ZNF839: variants seen among roughly 807,000 people sequenced by gnomAD.
ZNF839 encodes zinc finger protein 839, also known as renal carcinoma antigen NY-REN-50.
ZNF839 carries 38 observed loss-of-function variants against 56.4 expected under a neutral mutation model. That is an observed-to-expected ratio of 0.67 (90% CI 0.52 to 0.88). ZNF839 has a LOEUF of 0.88. Ranked by LOEUF, ZNF839 falls within the 40% of genes least tolerant of loss-of-function variation. ZNF839 has a pLI of 0.00. For missense variants in ZNF839, 1,091 were observed against 1,177.6 expected, an observed-to-expected ratio of 0.93 and a Z score of 1.08; for synonymous variants, 486 against 493.5, an observed-to-expected ratio of 0.98 and a Z score of 0.20.
chr14:102,341,068 CAAAAAAAA>C, intron 7 of ZNF839: 1 of 80,730 alleles, frequency 1.2e-5, no homozygotes, highest in South Asian at 4.1e-4. Context: ...GACTCCATCT[CAAAAAAAA>C]AAAAAAAAAA....
At position 102,333,258 on chromosome 14, in the gene ZNF839, A is replaced by G. The variant is rs548629304; in HGVS notation, c.1417-1296A>G. ...ATCTCTTGCTCTCTCTCTAAATGCC[A>G]ATCTTTTTTTTTTTTTTTTTTTGAG... On this transcript the variant is annotated intron_variant, in intron 3 of 7. Transcript: ENST00000442396. 3.5e-5 allele frequency among the ~76,000 whole-genome samples: 5 copies of G among 141,632 alleles called. No homozygotes were observed. The East Asian group carries it at 1.0e-3, about 29-fold the overall frequency. The allele number at this position is 141,632 out of a possible 152,430, so 92.9% of individuals were successfully genotyped here.
At chr14:102,328,373 AAAATATATATATATATATATATAT>A (rs1242996251) in intron 2 of ZNF839, among the ~76,000 whole-genome samples, 5 of 23,016 alleles carry the variant, frequency 2.2e-4, no homozygotes, top group South Asian at 1.7e-3. Flanking sequence ...AAAAAAAAAA[AAAATATATATATATATATATATAT>A]ATATATATAT....
In ZNF839 at chr14:102,326,397, C is replaced by T. The variant is rs2073411531; in HGVS notation, c.701C>T (p.Thr234Ile). Reference sequence around the variant, plus strand: ...CATCCATTTATTTCCAACTTGCATACAAGACATACTGAGAAACTAAAAAAA... The same window carrying T: ...CATCCATTTATTTCCAACTTGCATATAAGACATACTGAGAAACTAAAAAAA... Reference protein sequence around the residue: ...SAHPFISNLHTRHTEKLKKSL... With the variant: ...SAHPFISNLHIRHTEKLKKSL... The change falls in exon 2 of 8, where the codon ACA becomes ATA. Residue 234 changes from threonine (T) to isoleucine (I), a missense_variant. Thr to Ile is a moderately conservative substitution (Grantham distance 89). This residue lies in a region of ZNF839 where 614 missense variants were observed against 629.2 expected (regional missense o/e 0.98). Coordinates refer to ENST00000442396, the MANE Select transcript of ZNF839 (RefSeq NM_018335.6). This position sits in a 1 kb window ranked among gnomAD's most constrained non-coding sequence, Gnocchi z 4.3. 1.2e-6 allele frequency: 2 copies of T among 1,612,938 alleles called. No individual in the cohort carries two copies. Among genetic ancestry groups the T allele is most frequent in the Non-Finnish European group, 8.5e-7 (1 of 1,179,368 alleles).
intron 4 of ZNF839, chr14:102,335,471 G>A (rs536730267): frequency 1.2e-4 from 62 of 518,408 alleles, no homozygotes; most frequent in African/African-American, 1.1e-3. Flanking sequence ...CCCCACCCAG[G>A]GCTTGTTTGT....
Position 102,326,350 on chromosome 14 carries a change from A to G in ZNF839, c.654A>G (p.Thr218=), listed in dbSNP as rs753538851. ...PLSASDPLAV[T]SLSSSSAHPF... ...CTGCCTCTGACCCGCTGGCAGTAAC[A>G]TCTCTTTCATCCAGTTCAGCACATC... Residue 218 remains threonine, a synonymous_variant, in exon 2 of 8, where the codon ACA becomes ACG. Transcript: ENST00000442396. The surrounding 1 kb of genome is among the most constrained non-coding windows in gnomAD (Gnocchi z 4.3). The G allele has an allele frequency of 1.2e-6, 2 of 1,609,876 alleles. No homozygotes were observed. The highest frequency in any genetic ancestry group is 2.2e-5 in the South Asian group (2 of 90,542).
In ZNF839 at chr14:102,341,424, C is replaced by A; in HGVS notation, c.2029C>A (p.Gln677Lys). The A allele has an allele frequency of 6.3e-7, 1 of 1,589,472 alleles. No homozygotes were observed. Among genetic ancestry groups the A allele is most frequent in the Non-Finnish European group, 8.6e-7 (1 of 1,167,486 alleles). ...GNGSVFQAGPQLQALANLEAR... is the reference protein window; with the variant it reads ...GNGSVFQAGPKLQALANLEAR... ...TGGGAGCGTGTTCCAGGCGGGCCCG[C>A]AGCTTCAGGCACTGGCTAACTTAGA... The change falls in exon 8 of 8, where the codon CAG becomes AAG. Residue 677 changes from glutamine (Q) to lysine (K), a missense_variant. Gln to Lys is a moderately conservative substitution (Grantham distance 53). Around this residue, in one of 3 missense-constraint regions of ZNF839, gnomAD observed 431 missense variants for 468.0 expected, o/e 0.92. Transcript: ENST00000442396.
Position 102,320,018 on chromosome 14 carries a change from G to A in ZNF839, c.253G>A (p.Glu85Lys). 2 of 1,174,582 alleles carry A rather than the reference G, an allele frequency of 1.7e-6. No homozygotes were observed. The highest frequency in any genetic ancestry group is 2.1e-6 in the Non-Finnish European group (2 of 951,846). 72.8% of individuals were successfully genotyped at this position (1,174,582 alleles called of 1,614,324 possible). The change falls in exon 1 of 8, where the codon GAG becomes AAG. Residue 85 changes from glutamate (E) to lysine (K), a missense_variant. Physicochemically the swap from Glu to Lys is moderately conservative, Grantham distance 56. Transcript: ENST00000442396. ...CGCCCTGCAGCGGGGCCGGGGCACC[G>A]AGCCCCCGCGCCTGCCGCGCCTGCT... ...QAALQRGRGT[E>K]PPRLPRLLPP... is the part of the protein sequence containing the mutation.
Position 102,320,048 on chromosome 14 carries a change from C to A in ZNF839, c.283C>A (p.Pro95Thr). The A allele has an allele frequency of 8.5e-7, 1 of 1,181,902 alleles. No homozygotes were observed. The highest frequency in any genetic ancestry group is 1.0e-6 in the Non-Finnish European group (1 of 956,084). 73.2% of individuals were successfully genotyped at this position (1,181,902 alleles called of 1,614,324 possible). The change falls in exon 1 of 8, where the codon CCC (proline) becomes ACC (threonine). Residue 95 changes from proline (P) to threonine (T), a missense_variant. This residue lies in a region of ZNF839 where 614 missense variants were observed against 629.2 expected (regional missense o/e 0.98). Transcript: ENST00000442396. ...CCCGCGCCTGCCGCGCCTGCTCCCG[C>A]CCCAGGTGAGGCGTCGGGAGGGACG... ...EPPRLPRLLP[P>T]QQLEAICVKV...
chr14:102,336,733 C>CTTTT, intron 5 of ZNF839: 1 of 290,738 alleles, frequency 3.4e-6, no homozygotes, highest in East Asian at 1.1e-4. Flanking sequence ...TCATTTTCTT[C>CTTTT]TTTTTTTTTT....
At chr14:102,338,673 C>T in intron 5 of ZNF839, 143 bp from the exon 6 acceptor site, 1 of 1,081,908 alleles carries the variant, frequency 9.2e-7, no homozygotes, top group Non-Finnish European at 1.3e-6. Context: ...TCATCTTTCT[C>T]ATTGTTGAGA....
In ZNF839 at chr14:102,332,067, A is replaced by C. The variant is rs2073812548; in HGVS notation, c.1416+221A>C. On this transcript the variant is annotated intron_variant, in intron 3 of 7. Coordinates refer to ENST00000442396, the MANE Select transcript of ZNF839 (RefSeq NM_018335.6). The surrounding 1 kb of genome is among the most constrained non-coding windows in gnomAD (Gnocchi z 4.9). ...GCTCCAAAAGCTGCTTGACTTGATA[A>C]GTTTTGGAATAATTATAACCTGTGT... Among the ~76,000 whole-genome samples the C allele has an allele frequency of 6.6e-6, 1 of 152,178 alleles. No homozygotes were observed. The highest frequency in any genetic ancestry group is 6.5e-5 in the Admixed American group (1 of 15,270).
chr14:102,328,854 T>C (rs1298155645), intron 2 of ZNF839, among the ~76,000 whole-genome samples: 1 of 152,194 alleles, frequency 6.6e-6, no homozygotes, highest in African/African-American at 2.4e-5. Context: ...TGTGTACATA[T>C]CACACGTTGC....
At chr14:102,338,437 C>T (rs1334972338) in intron 5 of ZNF839, among the ~76,000 whole-genome samples, 1 of 148,940 alleles carries the variant, frequency 6.7e-6, no homozygotes, top group Admixed American at 6.8e-5. Context: ...ACTCAGGAGG[C>T]TGAAGCAGGA....
At chr14:102,327,094 G>A (rs551246418) in intron 2 of ZNF839, among the ~76,000 whole-genome samples, 3 of 151,930 alleles carry the variant, frequency 2.0e-5, no homozygotes, top group Non-Finnish European at 4.4e-5. Flanking sequence ...GGGAGCAGGC[G>A]CCTCATATGG....
intron 7 of ZNF839, 81 bp downstream of exon 7, chr14:102,339,304 A>G (rs958362973): frequency 2.0e-6 from 3 of 1,517,668 alleles, no homozygotes; most frequent in Non-Finnish European, 2.7e-6. Flanking sequence ...CAGGATTGCC[A>G]TTTTTCAGGT....
chr14:102,328,390 AT>A (rs1445432349), intron 2 of ZNF839, among the ~76,000 whole-genome samples: 5 of 72,850 alleles, frequency 6.9e-5, no homozygotes, highest in East Asian at 4.7e-4. Flanking sequence ...ATATATATAT[AT>A]ATATATATAT....
intron 3 of ZNF839, 91 bp from the exon 4 acceptor site, chr14:102,334,461 TTC>T (rs1223103892): frequency 9.3e-6 from 8 of 858,324 alleles, no homozygotes; most frequent in East Asian, 5.5e-5. Flanking sequence ...TTGGAGAACT[TTC>T]TGTTTTTTAT....
At chr14:102,321,438 A>G (rs1367771612) in intron 1 of ZNF839, among the ~76,000 whole-genome samples, 1 of 152,154 alleles carries the variant, frequency 6.6e-6, no homozygotes. Context: ...AAAATGACAT[A>G]TTTTTCGTAA....
chr14:102,331,077 T>C (rs1266696226), intron 2 of ZNF839, among the ~76,000 whole-genome samples: 2 of 152,184 alleles, frequency 1.3e-5, no homozygotes, highest in African/African-American at 4.8e-5. Flanking sequence ...GGTTACACAA[T>C]TTCGCGAATA....
Sources: gnomAD v4.1 joint callset for allele counts (sites outside exome capture counted in the v4.1 genomes callset) on GRCh38, gnomAD v4.1.1 for gene constraint, gnomAD v4.1.1 regional missense constraint, Gnocchi (gnomAD v3.1) non-coding constraint, MANE v1.5 for transcripts, NCBI Gene and HGNC (gene_info 2026-07-23, HGNC 2026-07-21) for gene names.